MORN3: variants seen among roughly 807,000 people sequenced by gnomAD.
MORN3 encodes MORN repeat-containing protein 3.
In MORN3, 38 loss-of-function variants were observed where a neutral mutation model predicts 34.7. That is an observed-to-expected ratio of 1.10 (90% CI 0.85 to 1.44). The LOEUF (loss-of-function observed/expected upper bound fraction) is 1.44. Among genes scored for constraint, MORN3 ranks in the 40% most tolerant of loss-of-function variants. The probability of loss-of-function intolerance (pLI) is 0.00; values close to 1 mark genes in which losing one functional copy is unlikely to be tolerated. For missense variants in MORN3, 311 were observed against 321.7 expected (o/e 0.97, Z 0.25); for synonymous variants, 109 against 115.3 (o/e 0.95, Z 0.35).
At chr12:121,652,926 G>T in intron 4 of MORN3, 118 bp from the exon 5 acceptor site, 3 of 1,428,432 alleles carry the variant, frequency 2.1e-6, no homozygotes, top group Non-Finnish European at 2.9e-6. Flanking sequence ...CACCTCCCTT[G>T]CTAGGGATGC....
rs1294602472 is a variant in MORN3 at position 121,655,019 on chromosome 12, CACCAT to C, written c.304-591_304-587del. Among the ~76,000 whole-genome samples, 6 of 152,254 alleles carry C rather than the reference CACCAT, an allele frequency of 3.9e-5. No individual in the cohort carries two copies. In the South Asian group the frequency reaches 1.0e-3, roughly 26 times the overall value. ...ACCCTCTCCTCTCTCATCCCCACCA[CACCAT>C]GCGCCATGCAGCCCCTACAGCGCCG... On this transcript the variant is annotated intron_variant, in intron 2 of 5. Transcript: ENST00000355329.
rs1893190340 is a variant in MORN3 at position 121,648,845 on chromosome 12, C to G, written c.*2806G>C. 6.6e-6 allele frequency: 1 copy of G among 152,154 alleles called. No homozygotes were observed. The highest frequency in any genetic ancestry group is 6.6e-5 in the Admixed American group (1 of 15,250). 9.4% of individuals were successfully genotyped at this position (152,154 alleles called of 1,614,324 possible). A position where few individuals can be genotyped will look rare whatever the true frequency, so the allele number is the denominator to read the frequency against. On this transcript the variant is annotated 3_prime_UTR_variant, in exon 6 of 6. Transcript: ENST00000355329. ...TTCTTCAGCTCCTGTTCCCAAGTCC[C>G]CAATTCTCCCCAGAGACAACCATCT...
At chr12:121,669,834 T>TATATATATATATATATATATA (rs1566488482), upstream of MORN3, among the ~76,000 whole-genome samples, 23 of 92,256 alleles carry the variant, frequency 2.5e-4, no homozygotes, top group South Asian at 5.6e-4. Flanking sequence ...ATATATATAT[T>TATATATATATATATATATATA]TTTTTTTTTA....
upstream of MORN3, among the ~76,000 whole-genome samples, chr12:121,669,828 A>AT (rs1323404349): frequency 3.6e-4 from 42 of 117,474 alleles, no homozygotes; most frequent in African/African-American, 1.1e-3. Flanking sequence ...ATATATATAT[A>AT]TATATTTTTT....
At position 121,669,509 on chromosome 12, in the gene MORN3, G is replaced by T. The variant is rs777307195; in HGVS notation, c.-26C>A. ...GGTGGCTGCTTCTGCAAGGCTGGAG[G>T]GTGCTGGAAAGGGGTTAGGGACATC... On this transcript the variant is annotated 5_prime_UTR_variant, in exon 1 of 6. Transcript: ENST00000355329. 12 of 1,611,770 alleles carry T rather than the reference G, an allele frequency of 7.4e-6. No homozygotes were observed. The highest frequency in any genetic ancestry group is 4.0e-5 in the African/African-American group (3 of 74,856).
At chr12:121,660,319 A>G (rs1314940988) in intron 1 of MORN3, among the ~76,000 whole-genome samples, 1 of 150,206 alleles carries the variant, frequency 6.7e-6, no homozygotes, top group East Asian at 2.0e-4. Flanking sequence ...ATACCTGCTA[A>G]TTTACTGTTT....
chr12:121,656,404 A>G (rs77637261), intron 2 of MORN3, among the ~76,000 whole-genome samples: 4,506 of 152,192 alleles, frequency 0.03, 182 homozygotes, highest in East Asian at 0.11. Flanking sequence ...GCTCACTATA[A>G]CCTCAGCCTC....
rs34753496 is a variant in MORN3 at position 121,669,412 on chromosome 12, G to A, written c.72C>T (p.Asn24=). 2.4e-3 allele frequency: 3,795 copies of A among 1,614,054 alleles called. 77 individuals are homozygous for A. In the African/African-American group the frequency reaches 0.044, roughly 19 times the overall value. ...WKGWDRKAQR[N]GLRSQVYAVN... ...CAGCGTATACCTGGCTCCGCAGGCC[G>A]TTCCTCTGGGCCTTCCGGTCCCACC... is the stretch of plus-strand genomic sequence containing the variant. Residue 24 remains asparagine (N), a synonymous_variant, in exon 1 of 6, where the codon AAC becomes AAT. Transcript: ENST00000355329.
At chr12:121,661,124 T>G (rs1165111720) in intron 1 of MORN3, among the ~76,000 whole-genome samples, 1 of 151,992 alleles carries the variant, frequency 6.6e-6, no homozygotes, top group Admixed American at 6.6e-5. Context: ...CCTGGCTAAT[T>G]TTTTAAAAAA....
chr12:121,653,256 T>C lies in MORN3; in HGVS notation c.467A>G (p.Asn156Ser). ...CCAGCAGCCCTCGTAGCGGTTCCCGTTCTCTGGGGGAAAGGACAGGGAGGT... is the reference window on the plus strand; with the variant it reads ...CCAGCAGCCCTCGTAGCGGTTCCCGCTCTCTGGGGGAAAGGACAGGGAGGT... ...PNGEGMLRLK[N>S]GNRYEGCWER... is the part of the protein sequence containing the mutation. Residue 156 changes from asparagine to serine, a missense_variant, in exon 4 of 6, where the codon AAC becomes AGC. Transcript: ENST00000355329. 6.2e-7 allele frequency: 1 copy of C among 1,613,590 alleles called. No homozygotes were observed. Among genetic ancestry groups the C allele is most frequent in the Non-Finnish European group, 8.5e-7 (1 of 1,179,788 alleles).
chr12:121,669,250 C>A, intron 1 of MORN3, 89 bp downstream of exon 1: 1 of 1,541,232 alleles, frequency 6.5e-7, no homozygotes, highest in Non-Finnish European at 8.9e-7. Flanking sequence ...TCTCATGTCC[C>A]CAGTGAGCTC....
chr12:121,660,193 C>T (rs952173037), intron 1 of MORN3, among the ~76,000 whole-genome samples: 2 of 141,456 alleles, frequency 1.4e-5, no homozygotes, highest in East Asian at 2.7e-4. Flanking sequence ...GAGATGACGT[C>T]GTTGCAGTGA....
At chr12:121,670,302 G>A (rs1424144255), upstream of MORN3, among the ~76,000 whole-genome samples, 1 of 152,016 alleles carries the variant, frequency 6.6e-6, no homozygotes, top group Non-Finnish European at 1.5e-5. Context: ...ACAATCTCAG[G>A]TCCTAAATTC....
intron 2 of MORN3, among the ~76,000 whole-genome samples, chr12:121,658,608 G>A (rs945960591): frequency 1.8e-4 from 27 of 151,276 alleles, no homozygotes; most frequent in Middle Eastern, 3.2e-3. Context: ...TGTGTTTCAG[G>A]CTCACAGTAG....
At chr12:121,657,260 T>G (rs1374633273) in intron 2 of MORN3, among the ~76,000 whole-genome samples, 1 of 152,196 alleles carries the variant, frequency 6.6e-6, no homozygotes, top group Non-Finnish European at 1.5e-5. Flanking sequence ...AGATTATAAA[T>G]TATGGTTTAG....
At chr12:121,668,234 G>T (rs1893831971) in intron 1 of MORN3, among the ~76,000 whole-genome samples, 1 of 151,846 alleles carries the variant, frequency 6.6e-6, no homozygotes, top group Non-Finnish European at 1.5e-5. Context: ...AGGCAGGAGA[G>T]CAGGATGGTT....
intron 3 of MORN3, 51 bp downstream of exon 3, chr12:121,654,223 C>A (rs1893336333): frequency 7.6e-7 from 1 of 1,315,572 alleles, no homozygotes; most frequent in Non-Finnish European, 1.0e-6. Flanking sequence ...GGCCAGCTCG[C>A]TGCCGGGGGC....
At chr12:121,662,862 G>T (rs903705488) in intron 1 of MORN3, among the ~76,000 whole-genome samples, 8 of 151,926 alleles carry the variant, frequency 5.3e-5, no homozygotes, top group African/African-American at 1.9e-4. Context: ...CCAACATAGT[G>T]AAAGTCCCAG....
chr12:121,654,216 C>A (rs112006727), intron 3 of MORN3, 58 bp downstream of exon 3: 1 of 1,431,270 alleles, frequency 7.0e-7, no homozygotes, highest in Non-Finnish European at 9.3e-7. Flanking sequence ...TGGGCGTGGC[C>A]AGCTCGCTGC....
Sources: allele counts gnomAD v4.1 joint callset (sites outside exome capture counted in the v4.1 genomes callset), GRCh38; gene constraint gnomAD v4.1.1; transcripts MANE v1.5; gene names NCBI Gene and HGNC (gene_info 2026-07-23, HGNC 2026-07-21).